The following ST6GALNAC3 variants were observed in gnomAD, a reference collection of about 807,000 sequenced individuals.
ST6GALNAC3 encodes the protein alpha-N-acetylgalactosaminide alpha-2,6-sialyltransferase 3.
Under a neutral mutation model 32.7 loss-of-function variants are expected in ST6GALNAC3, and 25 were observed. The observed-to-expected ratio is 0.76, with a 90% confidence interval of 0.56 to 1.07. The LOEUF is 1.07. Ranked by LOEUF, ST6GALNAC3 falls within the 50% of genes least tolerant of loss-of-function variation. ST6GALNAC3 has a pLI of 0.00. For missense variants in ST6GALNAC3, 355 were observed against 382.4 expected (o/e 0.93, Z 0.60); for synonymous variants, 129 against 133.1 (o/e 0.97, Z 0.21).
intron 2 of ST6GALNAC3, among the ~76,000 whole-genome samples, chr1:76,320,447 G>T (rs760093417): frequency 1.3e-5 from 2 of 151,980 alleles, no homozygotes; most frequent in Non-Finnish European, 2.9e-5. Flanking sequence ...CTACTGCCCT[G>T]CATACTATGT....
intron 1 of ST6GALNAC3, among the ~76,000 whole-genome samples, chr1:76,121,793 G>GA (rs1467489426): frequency 6.6e-5 from 10 of 152,154 alleles, no homozygotes; most frequent in Admixed American, 2.0e-4. Flanking sequence ...ATCATACTCA[G>GA]AAAAAATGTA....
intron 1 of ST6GALNAC3, among the ~76,000 whole-genome samples, chr1:76,224,058 A>T (rs776781682): frequency 5.8e-4 from 88 of 152,176 alleles, no homozygotes; most frequent in Non-Finnish European, 1.0e-3. Flanking sequence ...CCGTGACGTG[A>T]GACTCACCCC....
intron 3 of ST6GALNAC3, among the ~76,000 whole-genome samples, chr1:76,574,103 A>G (rs1646759629): frequency 6.6e-6 from 1 of 152,110 alleles, no homozygotes; most frequent in South Asian, 2.1e-4. Context: ...GAAGAGAGAG[A>G]GTAGAAATAC....
chr1:76,378,267 T>C (rs1278971388), intron 2 of ST6GALNAC3, among the ~76,000 whole-genome samples: 1 of 152,236 alleles, frequency 6.6e-6, no homozygotes, highest in African/African-American at 2.4e-5. Flanking sequence ...AATATCATTT[T>C]TCCTGTCTTT....
chr1:76,183,397 G>C (rs975396892), intron 1 of ST6GALNAC3, among the ~76,000 whole-genome samples: 2 of 152,034 alleles, frequency 1.3e-5, no homozygotes, highest in Admixed American at 1.3e-4. Flanking sequence ...TATGGGGAAG[G>C]TTGGAGACAA....
At chr1:76,124,195 C>T (rs1273872828) in intron 1 of ST6GALNAC3, among the ~76,000 whole-genome samples, 1 of 152,208 alleles carries the variant, frequency 6.6e-6, no homozygotes, top group Non-Finnish European at 1.5e-5. Context: ...TGAGCCCCAG[C>T]TGGGCAATTC....
intron 3 of ST6GALNAC3, among the ~76,000 whole-genome samples, chr1:76,467,122 A>G (rs1658687600): frequency 6.6e-6 from 1 of 152,080 alleles, no homozygotes; most frequent in Non-Finnish European, 1.5e-5. Flanking sequence ...AACCAAATAA[A>G]TGAACAAAAG....
chr1:76,532,081 C>T (rs905637877), intron 3 of ST6GALNAC3, among the ~76,000 whole-genome samples: 5 of 152,118 alleles, frequency 3.3e-5, no homozygotes, highest in African/African-American at 1.2e-4. Context: ...ATATCTGACC[C>T]CAAATTATAC....
chr1:76,324,569 C>T (rs1191145002), intron 2 of ST6GALNAC3, among the ~76,000 whole-genome samples: 1 of 152,078 alleles, frequency 6.6e-6, no homozygotes, highest in Admixed American at 6.5e-5. Context: ...CTACAGAACA[C>T]GTGATGACAA....
intron 2 of ST6GALNAC3, among the ~76,000 whole-genome samples, chr1:76,361,235 C>T (rs1446438464): frequency 6.6e-6 from 1 of 151,976 alleles, no homozygotes; most frequent in South Asian, 2.1e-4. Context: ...TTCCCCTGTC[C>T]CCTCATTTCT....
intron 2 of ST6GALNAC3, among the ~76,000 whole-genome samples, chr1:76,386,175 A>T (rs1476605466): frequency 2.0e-5 from 3 of 152,150 alleles, no homozygotes; most frequent in Admixed American, 2.0e-4. Flanking sequence ...GAATTGAATC[A>T]TACTGACTTG....
chr1:76,176,338 A>T (rs1652851003), intron 1 of ST6GALNAC3, among the ~76,000 whole-genome samples: 1 of 152,310 alleles, frequency 6.6e-6, no homozygotes, highest in African/African-American at 2.4e-5. Flanking sequence ...TTTGACTTAC[A>T]GCCTGCTCAT....
intron 2 of ST6GALNAC3, among the ~76,000 whole-genome samples, chr1:76,317,881 G>C (rs1421648477): frequency 6.6e-6 from 1 of 152,104 alleles, no homozygotes; most frequent in African/African-American, 2.4e-5. Flanking sequence ...GTGGAGTGTA[G>C]GGTTGCTTAG....
At chr1:76,113,510 G>T (rs372441633) in intron 1 of ST6GALNAC3, among the ~76,000 whole-genome samples, 1 of 147,452 alleles carries the variant, frequency 6.8e-6, no homozygotes, top group Non-Finnish European at 1.5e-5. Flanking sequence ...ACTTTTTTTT[G>T]GTTTATTTTG....
chr1:76,283,098 GC>G (rs962774515), intron 1 of ST6GALNAC3, among the ~76,000 whole-genome samples: 1 of 151,872 alleles, frequency 6.6e-6, no homozygotes, highest in African/African-American at 2.4e-5. Flanking sequence ...GCCCCTGAAC[GC>G]CCCCATCCCT....
Position 76,298,232 on chromosome 1 carries a change from T to A in ST6GALNAC3, c.19-15573T>A, listed in dbSNP as rs551926476. ...GGCAATTAAAGTGCTTCAAATAACG[T>A]ATCTTAGTATGTGGAATCCTTAATT... On this transcript the variant is annotated intron_variant, in intron 1 of 4. Transcript: ENST00000328299. Among the ~76,000 whole-genome samples, 10 of 152,184 alleles carry A rather than the reference T, an allele frequency of 6.6e-5. No individual in the cohort carries two copies. In the South Asian group the frequency reaches 2.1e-3, roughly 32 times the overall value.
intron 2 of ST6GALNAC3, among the ~76,000 whole-genome samples, chr1:76,323,139 G>C (rs1221570839): frequency 6.6e-6 from 1 of 152,042 alleles, no homozygotes; most frequent in African/African-American, 2.4e-5. Flanking sequence ...AAGTATACCT[G>C]GTTCAAATGA....
chr1:76,456,682 A>G (rs1303424670), intron 3 of ST6GALNAC3, among the ~76,000 whole-genome samples: 1 of 152,216 alleles, frequency 6.6e-6, no homozygotes, highest in African/African-American at 2.4e-5. Context: ...TCAATAAATT[A>G]GGTATTGATG....
At chr1:76,226,200 T>A (rs1048483395) in intron 1 of ST6GALNAC3, among the ~76,000 whole-genome samples, 7 of 152,176 alleles carry the variant, frequency 4.6e-5, no homozygotes, top group African/African-American at 1.7e-4. Context: ...TGTGAAATAT[T>A]GAAATTTGAC....
Sources: gnomAD v4.1 joint callset for allele counts (sites outside exome capture counted in the v4.1 genomes callset) on GRCh38, gnomAD v4.1.1 for gene constraint, MANE v1.5 for transcripts, NCBI Gene and HGNC (gene_info 2026-07-23, HGNC 2026-07-21) for gene names.